SAMMSON: variants seen among roughly 807,000 people sequenced by gnomAD.
The protein encoded by SAMMSON is long intergenic non-protein coding RNA 1212.
intron 9 of SAMMSON, among the ~76,000 whole-genome samples, chr3:70,374,700 T>C (rs1447595535): frequency 2.0e-5 from 3 of 152,154 alleles, no homozygotes; most frequent in Non-Finnish European, 2.9e-5. Flanking sequence ...CCTTCTCTAA[T>C]ACCACTACAG....
intron 3 of SAMMSON, among the ~76,000 whole-genome samples, chr3:70,049,546 G>A (rs577719396): frequency 6.6e-6 from 1 of 152,144 alleles, no homozygotes; most frequent in East Asian, 1.9e-4. Context: ...TCTTTCTTTA[G>A]GTTGAGGTGA....
intron 7 of SAMMSON, among the ~76,000 whole-genome samples, chr3:70,294,446 A>G (rs1447275437): frequency 2.0e-5 from 3 of 152,266 alleles, no homozygotes; most frequent in African/African-American, 4.8e-5. Flanking sequence ...ATAAGAAACC[A>G]TATATTCCCT....
chr3:70,347,011 A>G (rs929724953), intron 7 of SAMMSON, among the ~76,000 whole-genome samples: 1 of 152,212 alleles, frequency 6.6e-6, no homozygotes, highest in Non-Finnish European at 1.5e-5. Flanking sequence ...TATTGATTAC[A>G]GATCTTAGCA....
At chr3:70,419,003 T>TCTC (rs1559585606) in intron 2 of SAMMSON, among the ~76,000 whole-genome samples, 11 of 83,264 alleles carry the variant, frequency 1.3e-4, no homozygotes, top group African/African-American at 4.8e-4. Context: ...CTCTCTCTCT[T>TCTC]TCTTTCTTTC....
chr3:70,266,004 A>G (rs6549315), intron 6 of SAMMSON, among the ~76,000 whole-genome samples: 151,232 of 152,288 alleles, frequency 0.99, 75,098 homozygotes, highest in Non-Finnish European at 1. Context: ...ATTTAGGTTG[A>G]GACACAAAGC....
intron 2 of SAMMSON, among the ~76,000 whole-genome samples, chr3:70,395,138 T>C (rs137905138): frequency 2.0e-5 from 3 of 152,254 alleles, no homozygotes; most frequent in African/African-American, 4.8e-5. Flanking sequence ...ACATACCTTT[T>C]TTCAGGCCCA....
intron 4 of SAMMSON, among the ~76,000 whole-genome samples, chr3:70,174,399 C>T (rs1269973106): frequency 6.6e-6 from 1 of 151,912 alleles, no homozygotes; most frequent in Non-Finnish European, 1.5e-5. Context: ...CTTTATGAAG[C>T]AGTTGTATCT....
At chr3:70,417,754 G>C (rs1701277614) in intron 2 of SAMMSON, among the ~76,000 whole-genome samples, 1 of 152,082 alleles carries the variant, frequency 6.6e-6, no homozygotes, top group Non-Finnish European at 1.5e-5. Flanking sequence ...GAAAGAGAGA[G>C]ATTCTGTCTC....
At chr3:70,171,572 A>G (rs1700954390) in intron 4 of SAMMSON, among the ~76,000 whole-genome samples, 1 of 151,132 alleles carries the variant, frequency 6.6e-6, no homozygotes, top group African/African-American at 2.4e-5. Context: ...TTGAAAATGC[A>G]TGAAAAAAAT....
intron 4 of SAMMSON, among the ~76,000 whole-genome samples, chr3:70,140,940 A>G (rs1310164810): frequency 6.6e-6 from 1 of 152,168 alleles, no homozygotes; most frequent in Non-Finnish European, 1.5e-5. Context: ...GGTTTTCTCT[A>G]CAGCAAACTT....
At chr3:70,170,538 A>G (rs1408612201) in intron 4 of SAMMSON, among the ~76,000 whole-genome samples, 1 of 151,160 alleles carries the variant, frequency 6.6e-6, no homozygotes. Flanking sequence ...GACTTTCAAG[A>G]ATAACAATTT....
intron 3 of SAMMSON, among the ~76,000 whole-genome samples, chr3:70,016,705 T>G (rs1355304847): frequency 1.3e-5 from 2 of 152,174 alleles, no homozygotes; most frequent in Non-Finnish European, 2.9e-5. Context: ...TCTTCTAGGG[T>G]TTTTATGGTT....
At chr3:70,188,984 A>C (rs1701111096) in intron 4 of SAMMSON, among the ~76,000 whole-genome samples, 1 of 152,096 alleles carries the variant, frequency 6.6e-6, no homozygotes, top group Non-Finnish European at 1.5e-5. Flanking sequence ...TGGTTCAAAC[A>C]CCCCAAAAAT....
intron 6 of SAMMSON, among the ~76,000 whole-genome samples, chr3:70,249,963 A>G (rs1242789391): frequency 6.6e-6 from 1 of 152,164 alleles, no homozygotes; most frequent in African/African-American, 2.4e-5. Flanking sequence ...ACATAATTAG[A>G]TCCACTAGCC....
intron 1 of SAMMSON, among the ~76,000 whole-genome samples, chr3:70,002,223 T>TAGA (rs1257048409): frequency 6.6e-6 from 1 of 152,196 alleles, no homozygotes; most frequent in Non-Finnish European, 1.5e-5. Context: ...ATGTGTTTTG[T>TAGA]AGAAATACAT....
intron 4 of SAMMSON, among the ~76,000 whole-genome samples, chr3:70,214,362 A>C (rs1029161549): frequency 6.6e-6 from 1 of 152,128 alleles, no homozygotes; most frequent in Non-Finnish European, 1.5e-5. Flanking sequence ...CGTTAGATGA[A>C]ATGTTTATCA....
intron 4 of SAMMSON, among the ~76,000 whole-genome samples, chr3:70,239,931 T>C (rs763086735): frequency 6.6e-6 from 1 of 152,164 alleles, no homozygotes; most frequent in Non-Finnish European, 1.5e-5. Context: ...TTTGTGTGTG[T>C]GTGTGTGTTG....
chr3:70,342,287 G>A (rs1349607021), intron 7 of SAMMSON, among the ~76,000 whole-genome samples: 12 of 152,132 alleles, frequency 7.9e-5, no homozygotes, highest in Admixed American at 7.9e-4. Flanking sequence ...GAAAGTTTAG[G>A]TGACTCACTT....
At chr3:70,378,523 C>A (rs1703039290) in intron 9 of SAMMSON, among the ~76,000 whole-genome samples, 1 of 151,840 alleles carries the variant, frequency 6.6e-6, no homozygotes, top group Admixed American at 6.6e-5. Flanking sequence ...GTAATAAATA[C>A]CAGAAAGGTA....
Sources: gnomAD v4.1 joint callset for allele counts (sites outside exome capture counted in the v4.1 genomes callset) on GRCh38, gnomAD v4.1.1 for gene constraint, MANE v1.5 for transcripts, NCBI Gene and HGNC (gene_info 2026-07-23, HGNC 2026-07-21) for gene names.